The following GAS7 variants were observed in gnomAD, a reference collection of about 807,000 sequenced individuals.
GAS7 encodes growth arrest-specific protein 7.
In GAS7, 28 loss-of-function variants were observed where a neutral mutation model predicts 71.1. The observed-to-expected ratio is 0.39, with a 90% CI of 0.29 to 0.54. The LOEUF is 0.54. Ranked by LOEUF, GAS7 falls within the 20% of genes least tolerant of loss-of-function variation. The probability of loss-of-function intolerance (pLI) is 0.62; values close to 1 mark genes in which losing one functional copy is unlikely to be tolerated. For missense variants in GAS7, 436 were observed against 627.8 expected (o/e 0.69, Z 3.27); for synonymous variants, 258 against 245.8 (o/e 1.05, Z -0.46).
chr17:9,921,552 A>G (rs2067810902), intron 11 of GAS7, among the ~76,000 whole-genome samples: 1 of 152,206 alleles, frequency 6.6e-6, no homozygotes, highest in Admixed American at 6.5e-5. Flanking sequence ...CTTCCACAGC[A>G]TTGGGAAACA....
At chr17:10,018,118 G>C (rs2072113675) in intron 2 of GAS7, among the ~76,000 whole-genome samples, 1 of 152,174 alleles carries the variant, frequency 6.6e-6, no homozygotes, top group Admixed American at 6.6e-5. Flanking sequence ...TAACTTAAAG[G>C]ACAACATAGA....
intron 13 of GAS7, 144 bp from the exon 14 acceptor site, chr17:9,917,485 G>A (rs1277333497): frequency 4.7e-6 from 3 of 640,192 alleles, no homozygotes; most frequent in Non-Finnish European, 8.5e-6. Context: ...AGGCCCATCT[G>A]AGGGACAGCA....
intron 1 of GAS7, among the ~76,000 whole-genome samples, chr17:10,152,547 G>T (rs900839880): frequency 6.6e-6 from 1 of 152,062 alleles, no homozygotes; most frequent in African/African-American, 2.4e-5. Flanking sequence ...CTCATTCAAG[G>T]TCACACAGCC....
chr17:9,952,006 T>C (rs923536212), intron 5 of GAS7, among the ~76,000 whole-genome samples: 3 of 151,990 alleles, frequency 2.0e-5, no homozygotes, highest in Admixed American at 2.0e-4. Flanking sequence ...CAATGATGCA[T>C]CCTGGCTGGC....
chr17:9,990,217 C>T (rs879474883), intron 2 of GAS7, among the ~76,000 whole-genome samples: 2 of 151,964 alleles, frequency 1.3e-5, no homozygotes, highest in Admixed American at 6.6e-5. Context: ...TGCAGTGAGC[C>T]GAGATCGCAC....
At position 9,926,614 on chromosome 17, in the gene GAS7, C is replaced by T; in HGVS notation, c.1014+27G>A. The T allele has an allele frequency of 6.2e-7, 1 of 1,610,904 alleles. No individual in the cohort carries two copies. Among genetic ancestry groups the T allele is most frequent in the Non-Finnish European group, 8.5e-7 (1 of 1,179,588 alleles). ...TCCAGGCAGTCCCCCATGCACCTGC[C>T]CTGGCCCAGCGTCCTGGGCCTCTCA... is the stretch of plus-strand genomic sequence containing the variant. On this transcript the variant is annotated intron_variant, in intron 10 of 13. Transcript: ENST00000432992. This position sits in a 1 kb window ranked among gnomAD's most constrained non-coding sequence, Gnocchi z 5.0.
rs568037869 is a variant in GAS7 at position 9,926,794 on chromosome 17, C to T, written c.886-25G>A. On this transcript the variant is annotated intron_variant, in intron 9 of 13. Coordinates refer to ENST00000432992, the MANE Select transcript of GAS7 (RefSeq NM_201433.2). The surrounding 1 kb of genome is among the most constrained non-coding windows in gnomAD (Gnocchi z 5.0). ...GCTGTTGGGAGAGTAGAGACGCACA[C>T]TCAGGACCCAGGGCATCAGCTGTAA... 1.9e-6 allele frequency: 3 copies of T among 1,613,828 alleles called. No individual in the cohort carries two copies. The highest frequency in any genetic ancestry group is 1.3e-5 in the African/African-American group (1 of 75,026).
chr17:10,091,274 G>A (rs1483393999), intron 1 of GAS7, among the ~76,000 whole-genome samples: 1 of 152,124 alleles, frequency 6.6e-6, no homozygotes, highest in Non-Finnish European at 1.5e-5. Flanking sequence ...ATGAGCATGA[G>A]GTCTCCTTTG....
At chr17:9,921,150 T>G (rs1342410149) in intron 11 of GAS7, among the ~76,000 whole-genome samples, 2 of 151,170 alleles carry the variant, frequency 1.3e-5, no homozygotes, top group Non-Finnish European at 2.9e-5. Context: ...GTAAAATGCA[T>G]TTTTTTCTTT....
intron 5 of GAS7, among the ~76,000 whole-genome samples, chr17:9,951,354 C>T (rs964343194): frequency 6.6e-6 from 1 of 152,202 alleles, no homozygotes; most frequent in Non-Finnish European, 1.5e-5. Context: ...GGTCTGAATG[C>T]TTCTGGAGTG....
At chr17:10,055,540 A>C in intron 1 of GAS7, among the ~76,000 whole-genome samples, 1 of 151,636 alleles carries the variant, frequency 6.6e-6, no homozygotes, top group Non-Finnish European at 1.5e-5. Flanking sequence ...CCTGATCCCC[A>C]CCCCACTGAA....
chr17:10,026,565 A>G lies in GAS7; in HGVS notation c.184-6668T>C, dbSNP rs1457848586. On this transcript the variant is annotated intron_variant, in intron 1 of 13. Transcript: ENST00000432992. The surrounding 1 kb of genome is among the most constrained non-coding windows in gnomAD (Gnocchi z 4.5). The stretch of plus-strand genomic sequence containing the variant: ...TGGCTGGGCACGCCTGGGAAGGTTG[A>G]GTCCCGGAGTAGTCCTGGACTCAGC... Among the ~76,000 whole-genome samples the G allele has an allele frequency of 3.3e-5, 5 of 152,198 alleles. No individual in the cohort carries two copies. The highest frequency in any genetic ancestry group is 1.2e-4 in the African/African-American group (5 of 41,460).
chr17:10,087,922 C>T (rs1279970604), intron 1 of GAS7, among the ~76,000 whole-genome samples: 2 of 152,132 alleles, frequency 1.3e-5, no homozygotes, highest in Non-Finnish European at 2.9e-5. Context: ...TCGCTCCAGC[C>T]AGGGAAGACC....
chr17:9,956,345 C>T (rs1020189790), intron 5 of GAS7, among the ~76,000 whole-genome samples: 3 of 152,176 alleles, frequency 2.0e-5, no homozygotes, highest in Admixed American at 1.3e-4. Flanking sequence ...GTAGACAGGA[C>T]CCCAAGGGTT....
chr17:10,000,683 C>A (rs1024659645), intron 2 of GAS7, among the ~76,000 whole-genome samples: 1 of 152,186 alleles, frequency 6.6e-6, no homozygotes, highest in Non-Finnish European at 1.5e-5. Flanking sequence ...GTTTGCACAC[C>A]TTGTTATAAG....
rs138047479 is a variant in GAS7 at position 9,911,720 on chromosome 17, C to T, written c.*5508G>A. On this transcript the variant is annotated 3_prime_UTR_variant, in exon 14 of 14. Coordinates refer to ENST00000432992, the MANE Select transcript of GAS7 (RefSeq NM_201433.2). The surrounding 1 kb of genome is among the most constrained non-coding windows in gnomAD (Gnocchi z 4.0). Reference sequence around the variant, plus strand: ...CCCAGCAGAGTCCTGGCAGCCTCTTCGGCTCCCTACCTTGAGGCCCCGGGG... The same window carrying T: ...CCCAGCAGAGTCCTGGCAGCCTCTTTGGCTCCCTACCTTGAGGCCCCGGGG... 2.2e-5 allele frequency: 5 copies of T among 232,502 alleles called. No homozygotes were observed. Among genetic ancestry groups the T allele is most frequent in the South Asian group, 1.8e-4 (1 of 5,516 alleles). 14.4% of individuals were successfully genotyped at this position (232,502 alleles called of 1,614,324 possible). A position where few individuals can be genotyped will look rare whatever the true frequency, so the allele number is the denominator to read the frequency against.
intron 1 of GAS7, among the ~76,000 whole-genome samples, chr17:10,097,479 A>C (rs991010868): frequency 2.6e-5 from 4 of 152,226 alleles, no homozygotes; most frequent in African/African-American, 9.6e-5. Flanking sequence ...CCTCCAAAAA[A>C]GCAGGGCGAG....
chr17:9,994,673 T>G (rs961768831), intron 2 of GAS7, among the ~76,000 whole-genome samples: 12 of 148,544 alleles, frequency 8.1e-5, no homozygotes, highest in African/African-American at 3.0e-4. Context: ...AAGCCAAAAT[T>G]GACAAATGGG....
chr17:9,980,514 G>C (rs576987470), intron 3 of GAS7, among the ~76,000 whole-genome samples: 1 of 152,308 alleles, frequency 6.6e-6, no homozygotes, highest in South Asian at 2.1e-4. Flanking sequence ...AGGATGTCAC[G>C]CTCAAGGCAT....
Sources: allele counts gnomAD v4.1 joint callset (sites outside exome capture counted in the v4.1 genomes callset), GRCh38; gene constraint gnomAD v4.1.1; non-coding constraint Gnocchi (gnomAD v3.1); transcripts MANE v1.5; gene names NCBI Gene and HGNC (gene_info 2026-07-23, HGNC 2026-07-21).